The following SLFN5 variants were observed in gnomAD, a reference collection of about 807,000 sequenced individuals.
SLFN5 encodes the protein schlafen family member 5.
SLFN5 carries 34 observed loss-of-function variants against 48.5 expected under a neutral mutation model. That is an observed-to-expected ratio of 0.70 (90% confidence interval 0.53 to 0.93). The LOEUF (loss-of-function observed/expected upper bound fraction) is 0.93, where lower values mean the gene tolerates loss of function less well. Among genes scored for constraint, SLFN5 ranks in the 40% least tolerant of loss-of-function variants. SLFN5 has a pLI of 0.00. For synonymous variants in SLFN5, 387 were observed against 396.2 expected (o/e 0.98, Z 0.28); for missense variants, 1,006 against 1,071.3 (o/e 0.94, Z 0.85).
At chr17:35,255,248 CT>C (rs2092451629) in intron 1 of SLFN5, among the ~76,000 whole-genome samples, 1 of 152,128 alleles carries the variant, frequency 6.6e-6, no homozygotes, top group South Asian at 2.1e-4. Context: ...GAGAAAAGTG[CT>C]GAAGGAAATG....
At chr17:35,256,491 T>C (rs937962490) in intron 1 of SLFN5, among the ~76,000 whole-genome samples, 1 of 152,218 alleles carries the variant, frequency 6.6e-6, no homozygotes, top group African/African-American at 2.4e-5. Flanking sequence ...TTCTTGTTCA[T>C]CTCTCCAGGA....
chr17:35,247,763 A>C (rs571229490), intron 1 of SLFN5, among the ~76,000 whole-genome samples: 1 of 152,336 alleles, frequency 6.6e-6, no homozygotes, highest in South Asian at 2.1e-4. Context: ...GGTCAGACAT[A>C]GGCATAGGTC....
At chr17:35,244,482 G>A (rs184273835) in intron 1 of SLFN5, among the ~76,000 whole-genome samples, 1 of 152,312 alleles carries the variant, frequency 6.6e-6, no homozygotes, top group African/African-American at 2.4e-5. Flanking sequence ...CTCGCCCTAT[G>A]AGAAGGGGGC....
In SLFN5 at chr17:35,265,075, C is replaced by T. The variant is rs764686005; in HGVS notation, c.1863C>T (p.Phe621=). 1 of 1,606,654 alleles carries T rather than the reference C, an allele frequency of 6.2e-7. No homozygotes were observed. The highest frequency in any genetic ancestry group is 2.2e-5 in the East Asian group (1 of 44,846). Residue 621 remains phenylalanine (F), a synonymous_variant, in exon 5 of 5, where the codon TTC becomes TTT. Transcript: ENST00000299977. ...ENQPLKKLVS[F]SKKNICQPVT... is the part of the protein sequence containing the mutation. The stretch of plus-strand genomic sequence containing the variant: ...AACCTGACTCTGTTTCTTACAGTTT[C>T]AGCAAGAAAAACATCTGCCAGCCAG...
In SLFN5 at chr17:35,266,032, A is replaced by T. The variant is rs1225596747; in HGVS notation, c.*144A>T. 2.4e-6 allele frequency: 2 copies of T among 848,910 alleles called. No homozygotes were observed. Among genetic ancestry groups the T allele is most frequent in the Non-Finnish European group, 3.5e-6 (2 of 569,026 alleles). The allele number at this position is 848,910 out of a possible 1,614,324, so 52.6% of individuals were successfully genotyped here. On this transcript the variant is annotated 3_prime_UTR_variant, in exon 5 of 5. Transcript: ENST00000299977. ...CTGGGGATTGAGAACGAATCGATGT[A>T]AGATTCCTCCTTTAGGGCAGAGACA...
chr17:35,248,587 C>A (rs2092435854), intron 1 of SLFN5, among the ~76,000 whole-genome samples: 1 of 152,022 alleles, frequency 6.6e-6, no homozygotes, highest in South Asian at 2.1e-4. Context: ...CTGCTCACTT[C>A]TCTTCCCCCT....
chr17:35,258,780 G>T lies in SLFN5; in HGVS notation c.90G>T (p.Glu30Asp), dbSNP rs774025553. 1.9e-6 allele frequency: 3 copies of T among 1,614,220 alleles called. No homozygotes were observed. The highest frequency in any genetic ancestry group is 2.5e-6 in the Non-Finnish European group (3 of 1,180,042). The change falls in exon 2 of 5, where the codon GAG (glutamate) becomes GAT (aspartate). Residue 30 changes from glutamate to aspartate, a missense_variant. Transcript: ENST00000299977. ...CCCTTGGGACTCAGCAGAGGCAGGA[G>T]ATGGACCCTCGCCTGCGGGAGAAAC... ...KVTLGTQQRQ[E>D]MDPRLREKQN...
rs1461060546 is a variant in SLFN5, at chr17:35,272,103, A to C, written c.*6215A>C. Reference sequence around the variant, plus strand: ...AAAAATCTAGAAAAGAAGAAACCTGAGTGAGTCAGCATGACCAAATATTAA... The same window carrying C: ...AAAAATCTAGAAAAGAAGAAACCTGCGTGAGTCAGCATGACCAAATATTAA... On this transcript the variant is annotated 3_prime_UTR_variant, in exon 5 of 5. Transcript: ENST00000299977. The C allele has an allele frequency of 1.3e-5, 2 of 152,126 alleles. No individual in the cohort carries two copies. Among genetic ancestry groups the C allele is most frequent in the Non-Finnish European group, 2.9e-5 (2 of 68,034 alleles). 9.4% of individuals were successfully genotyped at this position (152,126 alleles called of 1,614,324 possible).
intron 1 of SLFN5, among the ~76,000 whole-genome samples, chr17:35,245,429 T>C (rs555020598): frequency 6.6e-6 from 1 of 152,346 alleles, no homozygotes; most frequent in South Asian, 2.1e-4. Flanking sequence ...TTATAAATTA[T>C]TTATTTCTGG....
intron 1 of SLFN5, among the ~76,000 whole-genome samples, chr17:35,251,094 A>G (rs938264517): frequency 2.0e-5 from 3 of 152,202 alleles, no homozygotes; most frequent in African/African-American, 7.2e-5. Flanking sequence ...GACCTCCTGG[A>G]ACCTGAAATC....
chr17:35,244,527 G>A (rs11080327), intron 1 of SLFN5, among the ~76,000 whole-genome samples: 78,473 of 152,018 alleles, frequency 0.52, 20,631 homozygotes, highest in Middle Eastern at 0.67. Flanking sequence ...GGAAAAAGAA[G>A]CCGATTCCTA....
chr17:35,272,675 C>T lies in SLFN5; in HGVS notation c.*6787C>T, dbSNP rs754987421. On this transcript the variant is annotated 3_prime_UTR_variant, in exon 5 of 5. Transcript: ENST00000299977. ...TTTTCAAAAAATAGCTTCTACAAAT[C>T]GAAGAGAAAAATTCTAAGGTCTCAA... 17 of 152,024 alleles carry T rather than the reference C, an allele frequency of 1.1e-4. No individual in the cohort carries two copies. Among genetic ancestry groups the T allele is most frequent in the Admixed American group, 2.0e-4 (3 of 15,252 alleles). 9.4% of individuals were successfully genotyped at this position (152,024 alleles called of 1,614,324 possible). A position where few individuals can be genotyped will look rare whatever the true frequency, so the allele number is the denominator to read the frequency against.
intron 1 of SLFN5, among the ~76,000 whole-genome samples, chr17:35,247,680 CT>C (rs2092433848): frequency 2.0e-5 from 3 of 152,296 alleles, no homozygotes; most frequent in Admixed American, 2.0e-4. Flanking sequence ...TCTTTCACCT[CT>C]TTTGGCTCTC....
intron 1 of SLFN5, among the ~76,000 whole-genome samples, chr17:35,256,496 C>T (rs1368931588): frequency 6.6e-6 from 1 of 152,128 alleles, no homozygotes; most frequent in Non-Finnish European, 1.5e-5. Flanking sequence ...GTTCATCTCT[C>T]CAGGATATCT....
In SLFN5 at chr17:35,259,160, C is replaced by T. The variant is rs143423216; in HGVS notation, c.470C>T (p.Ala157Val). 1 of 1,614,112 alleles carries T rather than the reference C, an allele frequency of 6.2e-7. No homozygotes were observed. The highest frequency in any genetic ancestry group is 1.1e-5 in the South Asian group (1 of 91,078). Residue 157 changes from alanine to valine, a missense_variant, in exon 2 of 5, where the codon GCA (alanine) becomes GTA (valine). Coordinates refer to ENST00000299977, the MANE Select transcript of SLFN5 (RefSeq NM_144975.4). ...GTTTCCAATTCATTAGGTCCACAGG[C>T]AGCTCAGGGTAGTGTACAATATGAA... ...INVSNSLGPQAAQGSVQYEGN... is the reference protein window; with the variant it reads ...INVSNSLGPQVAQGSVQYEGN...
At chr17:35,262,155 C>T (rs188695422) in intron 3 of SLFN5, among the ~76,000 whole-genome samples, 5 of 151,908 alleles carry the variant, frequency 3.3e-5, no homozygotes, top group Non-Finnish European at 5.9e-5. Flanking sequence ...CCAATGCAGG[C>T]GGATCACAAG....
In SLFN5 at chr17:35,273,257, G is replaced by A. The variant is rs1271711985; in HGVS notation, c.*7369G>A. 1.3e-5 allele frequency: 2 copies of A among 152,150 alleles called. No homozygotes were observed. Among genetic ancestry groups the A allele is most frequent in the South Asian group, 2.1e-4 (1 of 4,830 alleles). 9.4% of individuals were successfully genotyped at this position (152,150 alleles called of 1,614,324 possible). A position where few individuals can be genotyped will look rare whatever the true frequency, so the allele number is the denominator to read the frequency against. ...ATATAAGTCTGTGCTTGTAAATGCA[G>A]TAAGTATCTTTGGAAGTATACCTAA... On this transcript the variant is annotated 3_prime_UTR_variant, in exon 5 of 5. Transcript: ENST00000299977.
chr17:35,257,741 G>T (rs1904387454), intron 1 of SLFN5, among the ~76,000 whole-genome samples: 1 of 151,928 alleles, frequency 6.6e-6, no homozygotes, highest in Admixed American at 6.6e-5. Context: ...GAAACCGTTT[G>T]GATTAGGGGA....
At chr17:35,246,996 C>T (rs1479576900) in intron 1 of SLFN5, among the ~76,000 whole-genome samples, 1 of 152,056 alleles carries the variant, frequency 6.6e-6, no homozygotes, top group Non-Finnish European at 1.5e-5. Flanking sequence ...AAACTCTGGC[C>T]AGGACATATG....
Sources: allele counts gnomAD v4.1 joint callset (sites outside exome capture counted in the v4.1 genomes callset), GRCh38; gene constraint gnomAD v4.1.1; transcripts MANE v1.5; gene names NCBI Gene and HGNC (gene_info 2026-07-23, HGNC 2026-07-21).